SYN3: variants seen among roughly 807,000 people sequenced by gnomAD.
The protein encoded by SYN3 is synapsin-3.
A neutral mutation model predicts 65.8 loss-of-function variants in SYN3; 35 were observed. That is an observed-to-expected ratio of 0.53 (90% CI 0.41 to 0.70). The LOEUF (loss-of-function observed/expected upper bound fraction) is 0.70, where lower values mean the gene tolerates loss of function less well. Ranked by LOEUF, SYN3 falls within the 30% of genes least tolerant of loss-of-function variation. The pLI, the probability that SYN3 is intolerant of heterozygous loss-of-function variation, is 0.00. For synonymous variants in SYN3, 270 were observed against 292.9 expected, an observed-to-expected ratio of 0.92 and a Z score of 0.80; for missense variants, 680 against 749.0, an observed-to-expected ratio of 0.91 and a Z score of 1.08.
chr22:32,719,070 C>T (rs932440204), intron 6 of SYN3, among the ~76,000 whole-genome samples: 2 of 152,218 alleles, frequency 1.3e-5, no homozygotes, highest in Non-Finnish European at 1.5e-5. Context: ...ATCACCTTCT[C>T]TATGAAGCCT....
Position 32,824,190 on chromosome 22 carries a change from A to G in SYN3, c.711+40725T>C, listed in dbSNP as rs2146082809. Among the ~76,000 whole-genome samples the G allele has an allele frequency of 1.3e-5, 2 of 151,580 alleles. 1 individual carries two copies. The highest frequency in any genetic ancestry group is 4.2e-4 in the South Asian group (2 of 4,782). ...CTACTTGGGAGGCTGAGGCAGGATA[A>G]TCACTTAAACTTGGGAGGTGGAGGT... On this transcript the variant is annotated intron_variant, in intron 6 of 13. Coordinates refer to ENST00000358763, the MANE Select transcript of SYN3 (RefSeq NM_003490.4).
At chr22:32,996,394 C>A (rs146504128) in intron 2 of SYN3, among the ~76,000 whole-genome samples, 7 of 152,288 alleles carry the variant, frequency 4.6e-5, no homozygotes, top group African/African-American at 1.7e-4. Flanking sequence ...TCACTGGACA[C>A]TTCATAACAT....
At chr22:32,808,448 G>A (rs925848376) in intron 6 of SYN3, among the ~76,000 whole-genome samples, 8 of 152,224 alleles carry the variant, frequency 5.3e-5, no homozygotes, top group African/African-American at 1.9e-4. Flanking sequence ...AGGACGCTGG[G>A]GTCTCATTAT....
chr22:32,726,283 T>C (rs1308862934), intron 6 of SYN3, among the ~76,000 whole-genome samples: 2 of 152,162 alleles, frequency 1.3e-5, no homozygotes, highest in South Asian at 2.1e-4. Flanking sequence ...GCTGGGATTA[T>C]AGGCATACGC....
chr22:32,587,743 T>C (rs2059070030), intron 7 of SYN3, among the ~76,000 whole-genome samples: 1 of 152,198 alleles, frequency 6.6e-6, no homozygotes, highest in Non-Finnish European at 1.5e-5. Flanking sequence ...TGCAAGATGC[T>C]GGCGCTGCTG....
At chr22:32,897,845 G>C (rs1359615167) in intron 4 of SYN3, among the ~76,000 whole-genome samples, 1 of 152,064 alleles carries the variant, frequency 6.6e-6, no homozygotes, top group African/African-American at 2.4e-5. Context: ...TTAGGGACAG[G>C]GTCTTGCTGT....
At chr22:32,950,327 G>A (rs898527160) in intron 3 of SYN3, among the ~76,000 whole-genome samples, 1 of 152,094 alleles carries the variant, frequency 6.6e-6, no homozygotes, top group Non-Finnish European at 1.5e-5. Context: ...TTAGTCTACT[G>A]GTCAGGAATC....
At chr22:32,733,086 T>C (rs2061291520) in intron 6 of SYN3, among the ~76,000 whole-genome samples, 1 of 152,168 alleles carries the variant, frequency 6.6e-6, no homozygotes, top group Non-Finnish European at 1.5e-5. Context: ...CCTGGAGCAC[T>C]TGGAGAATTG....
chr22:33,005,322 T>C (rs2053168678), intron 2 of SYN3, among the ~76,000 whole-genome samples: 2 of 152,222 alleles, frequency 1.3e-5, no homozygotes, highest in Non-Finnish European at 2.9e-5. Context: ...CATCCATGTA[T>C]TCCTCTGCTC....
intron 2 of SYN3, among the ~76,000 whole-genome samples, chr22:32,984,721 T>C (rs1268361956): frequency 6.6e-6 from 1 of 152,074 alleles, no homozygotes; most frequent in African/African-American, 2.4e-5. Context: ...CTTTCGTGGA[T>C]TTAAAAATCA....
At chr22:33,054,663 A>G (rs367609549) in intron 1 of SYN3, among the ~76,000 whole-genome samples, 2 of 152,204 alleles carry the variant, frequency 1.3e-5, no homozygotes, top group African/African-American at 4.8e-5. Context: ...ATCATACACT[A>G]TGTAACCTTT....
In SYN3 at chr22:32,675,517, C is replaced by T. The variant is rs1432481870; in HGVS notation, c.712-78781G>A. ...AACAGCTGGCATCTGGTGTGCTGGG[C>T]TGATGCTGGAGACGTTATTAAAAAG... On this transcript the variant is annotated intron_variant, in intron 6 of 13. Transcript: ENST00000358763. Among the ~76,000 whole-genome samples, 3 of 152,138 alleles carry T rather than the reference C, an allele frequency of 2.0e-5. No homozygotes were observed. In the East Asian group the frequency reaches 5.8e-4, roughly 29 times the overall value.
chr22:32,610,241 G>A (rs994336374), intron 6 of SYN3, among the ~76,000 whole-genome samples: 55 of 151,934 alleles, frequency 3.6e-4, no homozygotes, highest in African/African-American at 1.1e-3. Flanking sequence ...AGATTGCACC[G>A]CTGCACTCCA....
At chr22:32,598,954 C>A (rs1285261239) in intron 6 of SYN3, among the ~76,000 whole-genome samples, 1 of 152,110 alleles carries the variant, frequency 6.6e-6, no homozygotes, top group Non-Finnish European at 1.5e-5. Flanking sequence ...GAAAGAACCT[C>A]ATCAGTTACC....
intron 1 of SYN3, among the ~76,000 whole-genome samples, chr22:33,007,677 G>C (rs1186487681): frequency 6.6e-6 from 1 of 152,172 alleles, no homozygotes; most frequent in Non-Finnish European, 1.5e-5. Flanking sequence ...CCAGAACCAG[G>C]CAAAGCTGAC....
chr22:32,767,801 T>A (rs865844165), intron 6 of SYN3, among the ~76,000 whole-genome samples: 14 of 152,238 alleles, frequency 9.2e-5, no homozygotes, highest in Non-Finnish European at 2.1e-4. Flanking sequence ...TTATCATTCA[T>A]CTTTCTAGGA....
chr22:32,776,940 C>T (rs2045921718), intron 6 of SYN3, among the ~76,000 whole-genome samples: 1 of 152,136 alleles, frequency 6.6e-6, no homozygotes, highest in Non-Finnish European at 1.5e-5. Flanking sequence ...CCTCGAAGTG[C>T]CCGTGGGTGA....
intron 6 of SYN3, among the ~76,000 whole-genome samples, chr22:32,673,302 C>T (rs2060396790): frequency 6.6e-6 from 1 of 152,188 alleles, no homozygotes; most frequent in African/African-American, 2.4e-5. Flanking sequence ...GAGGCAGCTT[C>T]TCCTTCTCAC....
At chr22:32,932,981 G>GT (rs1196719564) in intron 3 of SYN3, among the ~76,000 whole-genome samples, 7 of 152,104 alleles carry the variant, frequency 4.6e-5, no homozygotes, top group Non-Finnish European at 4.4e-5. Context: ...CAAAGCTCCT[G>GT]TTCTTATAAG....
Sources: gnomAD v4.1 joint callset for allele counts (sites outside exome capture counted in the v4.1 genomes callset) on GRCh38, gnomAD v4.1.1 for gene constraint, MANE v1.5 for transcripts, NCBI Gene and HGNC (gene_info 2026-07-23, HGNC 2026-07-21) for gene names.